The following ST3GAL3 variants were observed in gnomAD, a reference collection of about 807,000 sequenced individuals.
ST3GAL3 encodes the protein ST3 beta-galactoside alpha-2,3-sialyltransferase 3.
ST3GAL3 carries 21 observed loss-of-function variants against 50.1 expected under a neutral mutation model. The ratio of observed to expected loss-of-function variants is 0.42; its 90% confidence interval spans 0.30 to 0.60. The LOEUF (loss-of-function observed/expected upper bound fraction) is 0.60, where lower values mean the gene tolerates loss of function less well. Ranked by LOEUF, ST3GAL3 falls within the 20% of genes least tolerant of loss-of-function variation. The probability of loss-of-function intolerance (pLI) is 0.19; values close to 1 mark genes in which losing one functional copy is unlikely to be tolerated. For missense variants in ST3GAL3, 353 were observed against 489.4 expected (o/e 0.72, Z 2.63); for synonymous variants, 183 against 190.0 (o/e 0.96, Z 0.30).
At chr1:43,862,116 T>C (rs1030124606) in intron 5 of ST3GAL3, among the ~76,000 whole-genome samples, 2 of 152,172 alleles carry the variant, frequency 1.3e-5, no homozygotes, top group Middle Eastern at 3.5e-3. Flanking sequence ...CAGCAGTCTC[T>C]GCTGAGAGAA....
Position 43,771,068 on chromosome 1 carries a change from C to T in ST3GAL3, c.119-21034C>T, listed in dbSNP as rs540689866. ...CTTAATCAGATCTTCACTCTTCCAG[C>T]TGTAGTTGCCATTTCCAGTGGAATT... On this transcript the variant is annotated intron_variant, in intron 2 of 11. Transcript: ENST00000347631. 5.3e-5 allele frequency among the ~76,000 whole-genome samples: 8 copies of T among 152,338 alleles called. No homozygotes were observed. The South Asian group carries it at 1.7e-3, about 32-fold the overall frequency.
rs1298154190 is a variant in ST3GAL3, at chr1:43,875,941, CTTCTTCTTCTTATTATTATTATTA to C, written c.303-18439_303-18416del. On this transcript the variant is annotated intron_variant, in intron 5 of 11. Transcript: ENST00000347631. ...TCTTCTTCTTCTTCTTCTTCTTCTT[CTTCTTCTTCTTATTATTATTATTA>C]TTATTATTATTATTATTTTTGAGAC... Among the ~76,000 whole-genome samples the C allele has an allele frequency of 6.1e-3, 278 of 45,742 alleles. 2 individuals are homozygous for C. The highest frequency in any genetic ancestry group is 0.06 in the East Asian group (93 of 1,558). 30.0% of individuals were successfully genotyped at this position (45,742 alleles called of 152,430 possible). A position where few individuals can be genotyped will look rare whatever the true frequency, so the allele number is the denominator to read the frequency against.
chr1:43,771,355 C>A (rs997801076), intron 2 of ST3GAL3, among the ~76,000 whole-genome samples: 2 of 149,464 alleles, frequency 1.3e-5, no homozygotes, highest in African/African-American at 5.0e-5. Context: ...GACTGTTGGG[C>A]GACTTTTTGT....
intron 5 of ST3GAL3, among the ~76,000 whole-genome samples, chr1:43,875,219 G>T (rs1287899731): frequency 6.6e-6 from 1 of 152,220 alleles, no homozygotes; most frequent in Middle Eastern, 3.2e-3. Context: ...GATGATTTCA[G>T]TGTGTTGAGG....
chr1:43,901,480 C>T (rs1009319176), intron 9 of ST3GAL3, among the ~76,000 whole-genome samples: 1 of 152,222 alleles, frequency 6.6e-6, no homozygotes, highest in Admixed American at 6.5e-5. Context: ...CTTCCAAGAA[C>T]ACCAATGTCA....
chr1:43,900,141 C>A (rs2078044636), intron 9 of ST3GAL3, among the ~76,000 whole-genome samples: 1 of 152,192 alleles, frequency 6.6e-6, no homozygotes, highest in Non-Finnish European at 1.5e-5. Flanking sequence ...CTTGCACCCT[C>A]TTCTCCTCTG....
chr1:43,744,711 A>T (rs984818311), intron 2 of ST3GAL3, among the ~76,000 whole-genome samples: 10 of 148,844 alleles, frequency 6.7e-5, no homozygotes, highest in African/African-American at 4.9e-5. Context: ...AAATAAAATA[A>T]AATATAATAG....
chr1:43,905,942 C>T (rs2079464933), intron 9 of ST3GAL3, among the ~76,000 whole-genome samples: 1 of 103,832 alleles, frequency 9.6e-6, no homozygotes, highest in African/African-American at 3.8e-5. Flanking sequence ...CCCTCCTCCT[C>T]CTGCTCCTCT....
chr1:43,920,258 A>G (rs2082793936), intron 9 of ST3GAL3, 146 bp from the exon 10 acceptor site: 2 of 899,988 alleles, frequency 2.2e-6, no homozygotes, highest in Admixed American at 3.9e-5. Context: ...CCAAACACAG[A>G]TGGGCTTCCT....
intron 5 of ST3GAL3, among the ~76,000 whole-genome samples, chr1:43,842,977 T>G (rs781713742): frequency 2.0e-5 from 3 of 152,204 alleles, no homozygotes; most frequent in Admixed American, 1.3e-4. Flanking sequence ...TTCTGTTGAT[T>G]TATGACTTTG....
intron 5 of ST3GAL3, among the ~76,000 whole-genome samples, chr1:43,876,117 C>T (rs1404047764): frequency 6.6e-6 from 1 of 151,948 alleles, no homozygotes; most frequent in African/African-American, 2.4e-5. Context: ...ACCTTGCCAC[C>T]ATGGCAGGAT....
chr1:43,836,921 G>A (rs1024361496), intron 4 of ST3GAL3, among the ~76,000 whole-genome samples: 5 of 152,216 alleles, frequency 3.3e-5, no homozygotes, highest in African/African-American at 1.2e-4. Flanking sequence ...AACAGGCCAG[G>A]ATTAGAACAC....
chr1:43,863,049 C>T (rs1009507301), intron 5 of ST3GAL3, among the ~76,000 whole-genome samples: 1 of 152,224 alleles, frequency 6.6e-6, no homozygotes, highest in African/African-American at 2.4e-5. Context: ...TCTGTCTGTT[C>T]ACTCATGTAA....
chr1:43,834,528 T>C (rs2064000823), intron 4 of ST3GAL3, among the ~76,000 whole-genome samples: 1 of 152,190 alleles, frequency 6.6e-6, no homozygotes, highest in African/African-American at 2.4e-5. Context: ...ACCTCCACAG[T>C]GTGTGACGCA....
chr1:43,712,394 T>C (rs1665219344), intron 1 of ST3GAL3, among the ~76,000 whole-genome samples: 1 of 152,192 alleles, frequency 6.6e-6, no homozygotes, highest in Admixed American at 6.5e-5. Context: ...AGTGTATACA[T>C]TTCTTTCTCT....
At chr1:43,814,989 G>T in intron 4 of ST3GAL3, 56 bp downstream of exon 4, 1 of 1,565,634 alleles carries the variant, frequency 6.4e-7, no homozygotes, top group Non-Finnish European at 8.8e-7. Context: ...GTGAGAGCTG[G>T]GTCTCACTTT....
intron 5 of ST3GAL3, among the ~76,000 whole-genome samples, chr1:43,888,121 A>G (rs2076221984): frequency 6.6e-6 from 1 of 152,190 alleles, no homozygotes; most frequent in African/African-American, 2.4e-5. Flanking sequence ...GTCTTAGAAG[A>G]GGTAAAGAGA....
chr1:43,929,331 ATCTC>A (rs1382144486), intron 11 of ST3GAL3, among the ~76,000 whole-genome samples: 2 of 151,312 alleles, frequency 1.3e-5, no homozygotes, highest in Non-Finnish European at 2.9e-5. Flanking sequence ...TTGAGACAGA[ATCTC>A]TCTCTGTTGC....
At chr1:43,870,570 C>T (rs897386216) in intron 5 of ST3GAL3, among the ~76,000 whole-genome samples, 1 of 143,230 alleles carries the variant, frequency 7.0e-6, no homozygotes, top group Non-Finnish European at 1.5e-5. Context: ...CCAAGGGAGG[C>T]AAGGCAGGAG....
Sources: allele counts gnomAD v4.1 joint callset (sites outside exome capture counted in the v4.1 genomes callset), GRCh38; gene constraint gnomAD v4.1.1; transcripts MANE v1.5; gene names NCBI Gene and HGNC (gene_info 2026-07-23, HGNC 2026-07-21).